Variants in SDCCAG8 observed in about 807,000 individuals in gnomAD.
The protein encoded by SDCCAG8 is serologically defined colon cancer antigen 8.
In SDCCAG8, 74 loss-of-function variants were observed where a neutral mutation model predicts 101.8. The ratio of observed to expected loss-of-function variants is 0.73; its 90% CI spans 0.60 to 0.88. The LOEUF is 0.88. Ranked by LOEUF, SDCCAG8 falls within the 40% of genes least tolerant of loss-of-function variation. The pLI is 0.00. For missense variants in SDCCAG8, 787 were observed against 822.6 expected (o/e 0.96, Z 0.53); for synonymous variants, 281 against 292.9 (o/e 0.96, Z 0.41).
chr1:243,305,643 T>C (rs2072020180), intron 7 of SDCCAG8: 3 of 152,214 alleles, frequency 2.0e-5, no homozygotes, highest in Non-Finnish European at 1.5e-5. Context: ...TTTTTGTTGT[T>C]AAAGATTATT....
intron 15 of SDCCAG8, among the ~76,000 whole-genome samples, chr1:243,418,508 T>C (rs2080763928): frequency 6.6e-6 from 1 of 152,226 alleles, no homozygotes; most frequent in Non-Finnish European, 1.5e-5. Flanking sequence ...TGAAAGTAGA[T>C]GGTACTTTGA....
At chr1:243,419,222 C>A (rs1263617411) in intron 15 of SDCCAG8, among the ~76,000 whole-genome samples, 1 of 151,944 alleles carries the variant, frequency 6.6e-6, no homozygotes, top group Non-Finnish European at 1.5e-5. Context: ...ACCTTCCTAG[C>A]GTATACTAAG....
chr1:243,480,095 G>T (rs1212655507), intron 16 of SDCCAG8, among the ~76,000 whole-genome samples: 1 of 151,278 alleles, frequency 6.6e-6, no homozygotes, highest in African/African-American at 2.4e-5. Context: ...ATTAGGATTA[G>T]AGCTATAAGT....
intron 12 of SDCCAG8, among the ~76,000 whole-genome samples, chr1:243,355,003 C>A (rs866560293): frequency 7.2e-5 from 11 of 152,194 alleles, no homozygotes; most frequent in African/African-American, 2.7e-4. Flanking sequence ...CAGTGTGAGA[C>A]AGATCACCCT....
intron 6 of SDCCAG8, among the ~76,000 whole-genome samples, chr1:243,293,878 C>T (rs190392713): frequency 3.5e-4 from 54 of 152,284 alleles, no homozygotes; most frequent in Non-Finnish European, 6.5e-4. Context: ...TTTTAATTGT[C>T]GTTTCTTAAA....
rs936486910 is a variant in SDCCAG8, at chr1:243,415,950, C to T, written c.1744+121C>T. On this transcript the variant is annotated intron_variant, in intron 14 of 17. Transcript: ENST00000366541. ...GCTGGCCGAAGGGAGCAGATGCTAA[C>T]TACACCGGAGATTCCGAATTACATA... 8 of 1,142,348 alleles carry T rather than the reference C, an allele frequency of 7.0e-6. No individual in the cohort carries two copies. The African/African-American group carries it at 1.1e-4, about 16-fold the overall frequency. The allele number at this position is 1,142,348 out of a possible 1,614,324, so 70.8% of individuals were successfully genotyped here.
At chr1:243,464,660 C>A (rs192569139) in intron 16 of SDCCAG8, among the ~76,000 whole-genome samples, 187 of 152,312 alleles carry the variant, frequency 1.2e-3, no homozygotes, top group Non-Finnish European at 1.5e-3. Context: ...AAATCTCAAG[C>A]CTTCGCAGAC....
chr1:243,324,665 C>A (rs558066496), intron 9 of SDCCAG8, among the ~76,000 whole-genome samples: 1 of 152,170 alleles, frequency 6.6e-6, no homozygotes, highest in East Asian at 1.9e-4. Flanking sequence ...CAGACAATTA[C>A]AATAGCTTTC....
rs1345255202 is a variant in SDCCAG8, at chr1:243,338,740, G to T, written c.1222-2299G>T. On this transcript the variant is annotated intron_variant, in intron 10 of 17. Transcript: ENST00000366541. ...TTCATACCAGGTTCAATACACTAGGGACTGCTCTGCAGAAATTTCTATCAG... is the reference window on the plus strand; with the variant it reads ...TTCATACCAGGTTCAATACACTAGGTACTGCTCTGCAGAAATTTCTATCAG... 3 of 152,370 alleles carry T rather than the reference G, an allele frequency of 2.0e-5. No individual in the cohort carries two copies. In the East Asian group the frequency reaches 5.8e-4, roughly 29 times the overall value. 9.4% of individuals were successfully genotyped at this position (152,370 alleles called of 1,614,324 possible). A position where few individuals can be genotyped will look rare whatever the true frequency, so the allele number is the denominator to read the frequency against.
chr1:243,264,051 G>A (rs371917413), intron 1 of SDCCAG8, among the ~76,000 whole-genome samples: 4 of 152,124 alleles, frequency 2.6e-5, no homozygotes, highest in South Asian at 2.1e-4. Context: ...TCTCGGCCTC[G>A]GGAGGAATGG....
intron 1 of SDCCAG8, among the ~76,000 whole-genome samples, chr1:243,269,696 G>C (rs960384263): frequency 6.6e-6 from 1 of 152,098 alleles, no homozygotes; most frequent in African/African-American, 2.4e-5. Context: ...CCTTTTGCTG[G>C]CTCTTCCCAC....
intron 5 of SDCCAG8, among the ~76,000 whole-genome samples, chr1:243,291,209 T>C (rs2070224282): frequency 6.6e-6 from 1 of 152,224 alleles, no homozygotes; most frequent in African/African-American, 2.4e-5. Context: ...TGAATTAAAT[T>C]AATATACGTA....
At chr1:243,437,800 A>C (rs1041372535) in intron 16 of SDCCAG8, among the ~76,000 whole-genome samples, 1 of 152,136 alleles carries the variant, frequency 6.6e-6, no homozygotes, top group Admixed American at 6.5e-5. Flanking sequence ...GGCCTCCCAA[A>C]GTGCTGGGAT....
In SDCCAG8 at chr1:243,316,772, T is replaced by A; in HGVS notation, c.947T>A (p.Met316Lys). ...ERLVKERDDL[M>K]SALVSVRSSL... ...GCTGACAGAGAAAGAGATGACTTGA[T>A]GTCTGCACTAGTTTCCGTAAGGAGC... The change falls in exon 9 of 18, where the codon ATG becomes AAG. Residue 316 changes from methionine to lysine, a missense_variant. Transcript: ENST00000366541. The A allele has an allele frequency of 1.2e-6, 2 of 1,614,200 alleles. No homozygotes were observed. The highest frequency in any genetic ancestry group is 1.7e-6 in the Non-Finnish European group (2 of 1,180,016).
rs566804712 is a variant in SDCCAG8 at position 243,487,210 on chromosome 1, C to T, written c.1986-1804C>T. 9.2e-5 allele frequency among the ~76,000 whole-genome samples: 14 copies of T among 152,294 alleles called. No homozygotes were observed. The South Asian group carries it at 2.9e-3, about 32-fold the overall frequency. ...GGTCGGCCTAGGCAGGTTCCCCAGT[C>T]CGCTGGCCCGGGACGTCCTCCTCTC... On this transcript the variant is annotated intron_variant, in intron 16 of 17. Coordinates refer to ENST00000366541, the MANE Select transcript of SDCCAG8 (RefSeq NM_006642.5).
chr1:243,483,990 G>T (rs923161690), intron 16 of SDCCAG8, among the ~76,000 whole-genome samples: 1 of 152,092 alleles, frequency 6.6e-6, no homozygotes. Flanking sequence ...TCATGGTCTC[G>T]CCTCCCAGCA....
intron 12 of SDCCAG8, among the ~76,000 whole-genome samples, chr1:243,377,867 TA>T (rs2077690282): frequency 6.6e-6 from 1 of 151,258 alleles, no homozygotes; most frequent in South Asian, 2.1e-4. Context: ...TAAATATTTT[TA>T]AAGGTTCATC....
At chr1:243,359,214 T>C (rs907705043) in intron 12 of SDCCAG8, among the ~76,000 whole-genome samples, 3 of 152,252 alleles carry the variant, frequency 2.0e-5, no homozygotes, top group Admixed American at 6.5e-5. Flanking sequence ...TACTTACCCA[T>C]AGATTTGAGC....
At chr1:243,277,849 A>G (rs187981558) in intron 4 of SDCCAG8, among the ~76,000 whole-genome samples, 121 of 152,262 alleles carry the variant, frequency 7.9e-4, no homozygotes, top group African/African-American at 2.9e-3. Flanking sequence ...TTCCTGTTCC[A>G]TTGATTAACT....
Sources: allele counts gnomAD v4.1 joint callset (sites outside exome capture counted in the v4.1 genomes callset), GRCh38; gene constraint gnomAD v4.1.1; transcripts MANE v1.5; gene names NCBI Gene and HGNC (gene_info 2026-07-23, HGNC 2026-07-21).